KSR1: variants seen among roughly 807,000 people sequenced by gnomAD.
The protein encoded by KSR1 is kinase suppressor of ras.
Under a neutral mutation model 92.9 loss-of-function variants are expected in KSR1, and 35 were observed. The ratio of observed to expected loss-of-function variants is 0.38; its 90% CI spans 0.29 to 0.50. KSR1 has a LOEUF of 0.50. Ranked by LOEUF, KSR1 falls within the 20% of genes least tolerant of loss-of-function variation. The pLI is 0.94. For synonymous variants in KSR1, 467 were observed against 472.6 expected (o/e 0.99, Z 0.15); for missense variants, 972 against 1,158.5 (o/e 0.84, Z 2.34).
chr17:27,543,266 C>T (rs1022125649), intron 1 of KSR1, among the ~76,000 whole-genome samples: 3 of 152,196 alleles, frequency 2.0e-5, no homozygotes, highest in African/African-American at 7.2e-5. Context: ...CACAGAGGAA[C>T]CCAGCCTCCC....
intron 1 of KSR1, among the ~76,000 whole-genome samples, chr17:27,549,720 C>T (rs2071322909): frequency 6.6e-6 from 1 of 152,220 alleles, no homozygotes; most frequent in Non-Finnish European, 1.5e-5. Flanking sequence ...ACTGCTGCTG[C>T]TCAGTGGTCA....
intron 5 of KSR1, among the ~76,000 whole-genome samples, chr17:27,586,437 T>G (rs2151179280): frequency 6.6e-6 from 1 of 152,276 alleles, no homozygotes; most frequent in African/African-American, 2.4e-5. Flanking sequence ...GGCGGGGTCT[T>G]GGGGATGAGG....
intron 15 of KSR1, 33 bp from the exon 16 acceptor site, chr17:27,609,163 G>T: frequency 1.9e-6 from 3 of 1,598,408 alleles, no homozygotes; most frequent in Non-Finnish European, 2.6e-6. Flanking sequence ...CGTCATCGTT[G>T]CACATCTTCA....
chr17:27,512,118 A>G (rs1438184700), intron 1 of KSR1, among the ~76,000 whole-genome samples: 1 of 151,932 alleles, frequency 6.6e-6, no homozygotes, highest in African/African-American at 2.4e-5. Flanking sequence ...TGTTTTGATG[A>G]CCCCAGCAAA....
chr17:27,501,264 C>CTTTTTTTTTTTTTAATTTTTTTTTT (rs2069167236), intron 1 of KSR1, among the ~76,000 whole-genome samples: 1 of 52,170 alleles, frequency 1.9e-5, no homozygotes, highest in Non-Finnish European at 3.9e-5. Context: ...TTTTCTTTTT[C>CTTTTTTTTTTTTTAATTTTTTTTTT]TTTTTTTTTT....
intron 1 of KSR1, among the ~76,000 whole-genome samples, chr17:27,479,336 C>T (rs1010241715): frequency 7.2e-5 from 11 of 152,190 alleles, no homozygotes; most frequent in Admixed American, 2.0e-4. Flanking sequence ...CCTCCCTCAT[C>T]CTGGAGTGCC....
chr17:27,483,950 G>A (rs1293171338), intron 1 of KSR1: 1 of 152,294 alleles, frequency 6.6e-6, no homozygotes, highest in Non-Finnish European at 1.5e-5. Context: ...TCTTCCTGCA[G>A]CTCTCTTTGA....
intron 1 of KSR1, among the ~76,000 whole-genome samples, chr17:27,516,370 T>C (rs1336058969): frequency 6.6e-6 from 1 of 152,170 alleles, no homozygotes; most frequent in African/African-American, 2.4e-5. Context: ...GATGTGGGAT[T>C]GGGCCACCCT....
At position 27,601,295 on chromosome 17, in the gene KSR1, A is replaced by C. The variant is rs1024656472; in HGVS notation, c.1469-65A>C. On this transcript the variant is annotated intron_variant, in intron 10 of 20. Transcript: ENST00000644974. ...CCTGCCTCCCAAGCCGGTACCTGCA[A>C]TTCCGCTCCTCCCTCCTGCGTTGGC... 2.1e-6 allele frequency: 3 copies of C among 1,435,086 alleles called. No individual in the cohort carries two copies. In the African/African-American group the frequency reaches 4.2e-5, roughly 20 times the overall value. The allele number at this position is 1,435,086 out of a possible 1,614,324, so 88.9% of individuals were successfully genotyped here. A position where few individuals can be genotyped will look rare whatever the true frequency, so the allele number is the denominator to read the frequency against.
Position 27,494,769 on chromosome 17 carries a change from G to A in KSR1, c.231+37895G>A, listed in dbSNP as rs564061722. Among the ~76,000 whole-genome samples, 10 of 152,342 alleles carry A rather than the reference G, an allele frequency of 6.6e-5. No homozygotes were observed. In the South Asian group the frequency reaches 1.9e-3, roughly 28 times the overall value. On this transcript the variant is annotated intron_variant, in intron 1 of 20. Coordinates refer to ENST00000644974, the MANE Select transcript of KSR1 (RefSeq NM_001394583.1). ...TGGCAGTCCTCTCAGCATTGACGTCGTGAGAATGAAAGCTTCTCTGAGAGT... is the reference window on the plus strand; with the variant it reads ...TGGCAGTCCTCTCAGCATTGACGTCATGAGAATGAAAGCTTCTCTGAGAGT...
intron 10 of KSR1, among the ~76,000 whole-genome samples, chr17:27,599,834 T>G (rs948660967): frequency 1.3e-5 from 2 of 152,188 alleles, no homozygotes; most frequent in Non-Finnish European, 2.9e-5. Flanking sequence ...TTTTGAATTT[T>G]TATAAGCTTT....
intron 1 of KSR1, among the ~76,000 whole-genome samples, chr17:27,499,366 A>G (rs530288013): frequency 1.3e-5 from 2 of 152,346 alleles, no homozygotes; most frequent in South Asian, 2.1e-4. Flanking sequence ...GGGTGGTTTT[A>G]TCAGTCAATT....
At chr17:27,476,510 C>G (rs912589363) in intron 1 of KSR1, among the ~76,000 whole-genome samples, 8 of 152,104 alleles carry the variant, frequency 5.3e-5, no homozygotes, top group Non-Finnish European at 1.2e-4. Context: ...ACTGTGGTGC[C>G]GTTGGTATGA....
intron 19 of KSR1, 142 bp from the exon 20 acceptor site, chr17:27,621,051 G>C (rs138820266): frequency 6.8e-5 from 27 of 396,716 alleles, no homozygotes; most frequent in African/African-American, 4.3e-4. Flanking sequence ...TTTTCGGGGG[G>C]TGGCGGATGT....
chr17:27,621,169 G>A lies in KSR1; in HGVS notation c.2628-24G>A, dbSNP rs2074213040. Reference sequence around the variant, plus strand: ...GGACTGCGCTCTTCCCACGCCTGGTGGAATGGTCGCTGGGCACTCCCAGTC... The same window carrying A: ...GGACTGCGCTCTTCCCACGCCTGGTAGAATGGTCGCTGGGCACTCCCAGTC... On this transcript the variant is annotated intron_variant, in intron 19 of 20. Transcript: ENST00000644974. 3 of 398,520 alleles carry A rather than the reference G, an allele frequency of 7.5e-6. No individual in the cohort carries two copies. In the Admixed American group the frequency reaches 1.3e-4, roughly 18 times the overall value. 24.7% of individuals were successfully genotyped at this position (398,520 alleles called of 1,614,324 possible).
At chr17:27,525,920 TTTG>T (rs1165712231) in intron 1 of KSR1, among the ~76,000 whole-genome samples, 1 of 152,194 alleles carries the variant, frequency 6.6e-6, no homozygotes. Flanking sequence ...CCCTTTCCAA[TTTG>T]GAACAGTTTG....
At chr17:27,502,670 A>T (rs1597895306) in intron 1 of KSR1, among the ~76,000 whole-genome samples, 1 of 152,150 alleles carries the variant, frequency 6.6e-6, no homozygotes, top group Admixed American at 6.5e-5. Context: ...GTGCTTGCTC[A>T]CACTTGAGCG....
chr17:27,526,813 G>A, intron 1 of KSR1: 1 of 900,728 alleles, frequency 1.1e-6, no homozygotes, highest in African/African-American at 1.7e-5. Context: ...CCGTGGCGTG[G>A]TATTTGGGCT....
intron 2 of KSR1, among the ~76,000 whole-genome samples, chr17:27,554,178 C>T: frequency 6.6e-6 from 1 of 152,226 alleles, no homozygotes; most frequent in East Asian, 1.9e-4. Flanking sequence ...AATCTTTTGA[C>T]TTCTTAACCC....
Sources: allele counts gnomAD v4.1 joint callset (sites outside exome capture counted in the v4.1 genomes callset), GRCh38; gene constraint gnomAD v4.1.1; transcripts MANE v1.5; gene names NCBI Gene and HGNC (gene_info 2026-07-23, HGNC 2026-07-21).